Variants in SAE1 observed in about 807,000 individuals in gnomAD.
SAE1 encodes SUMO-activating enzyme subunit 1.
Under a neutral mutation model 40.6 loss-of-function variants are expected in SAE1, and 11 were observed. The observed-to-expected ratio is 0.27, with a 90% CI of 0.17 to 0.45. The LOEUF (loss-of-function observed/expected upper bound fraction) is 0.45, where lower values mean the gene tolerates loss of function less well. SAE1 is among the 20% of genes least tolerant of loss of function. SAE1 has a pLI of 1.00. For missense variants in SAE1, 373 were observed against 427.3 expected (o/e 0.87, Z 1.12); for synonymous variants, 155 against 154.3 (o/e 1.00, Z -0.03).
Position 47,130,916 on chromosome 19 carries a change from G to C in SAE1, c.-15G>C. The C allele has an allele frequency of 4.5e-6, 7 of 1,549,294 alleles. No homozygotes were observed. The highest frequency in any genetic ancestry group is 5.2e-6 in the Non-Finnish European group (6 of 1,146,522). ...CTTGAGCGGGACCGGAGCTGAGGCA[G>C]GAAGAGCCGGCGCCATGGTGGAGAA... On this transcript the variant is annotated 5_prime_UTR_variant, in exon 1 of 9. Transcript: ENST00000270225.
intron 6 of SAE1, among the ~76,000 whole-genome samples, chr19:47,187,467 CTT>C (rs1327370727): frequency 6.6e-6 from 1 of 152,194 alleles, no homozygotes; most frequent in Non-Finnish European, 1.5e-5. Context: ...AGCTTGAACA[CTT>C]TTCAATTCAG....
chr19:47,193,459 A>G (rs2058592571), intron 6 of SAE1, among the ~76,000 whole-genome samples: 1 of 152,066 alleles, frequency 6.6e-6, no homozygotes, highest in African/African-American at 2.4e-5. Context: ...CATTCTCAGA[A>G]AGCAAACAGT....
At chr19:47,170,679 G>A (rs1640288775) in intron 6 of SAE1, among the ~76,000 whole-genome samples, 1 of 151,852 alleles carries the variant, frequency 6.6e-6, no homozygotes, top group Non-Finnish European at 1.5e-5. Context: ...GCTAGTTTTT[G>A]TATTTTTTTG....
At chr19:47,150,099 A>T (rs62135078) in intron 2 of SAE1, 103 bp from the exon 3 acceptor site, 133 of 567,680 alleles carry the variant, frequency 2.3e-4, no homozygotes, top group Non-Finnish European at 3.3e-4. Flanking sequence ...AAAAAAATTT[A>T]GGTGGTAGGT....
intron 8 of SAE1, among the ~76,000 whole-genome samples, chr19:47,206,352 G>A (rs989190311): frequency 6.6e-6 from 1 of 152,334 alleles, no homozygotes; most frequent in African/African-American, 2.4e-5. Flanking sequence ...CCTTCAGCCA[G>A]CTGGCAGGCG....
intron 5 of SAE1, among the ~76,000 whole-genome samples, chr19:47,155,818 G>A (rs1437759504): frequency 7.1e-6 from 1 of 141,652 alleles, no homozygotes; most frequent in Non-Finnish European, 1.5e-5. Context: ...TCAGCTCACT[G>A]CAACCTCCAC....
At chr19:47,139,650 G>A (rs1568584965) in intron 1 of SAE1, among the ~76,000 whole-genome samples, 3 of 148,394 alleles carry the variant, frequency 2.0e-5, no homozygotes, top group Non-Finnish European at 3.0e-5. Flanking sequence ...GTGCAGTGGC[G>A]CGATCTCGGC....
chr19:47,169,995 C>T, intron 6 of SAE1, 72 bp downstream of exon 6: 1 of 1,145,410 alleles, frequency 8.7e-7, no homozygotes, highest in South Asian at 1.2e-5. Flanking sequence ...GTTGCAAGGT[C>T]CAGATGGTTT....
intron 6 of SAE1, among the ~76,000 whole-genome samples, chr19:47,173,111 T>G (rs889433694): frequency 6.6e-6 from 1 of 152,056 alleles, no homozygotes; most frequent in Non-Finnish European, 1.5e-5. Flanking sequence ...TCACTGCAAC[T>G]TCTGCCTCCT....
intron 4 of SAE1, 80 bp downstream of exon 4, chr19:47,153,120 T>C: frequency 8.0e-7 from 1 of 1,253,554 alleles, no homozygotes; most frequent in South Asian, 1.5e-5. Flanking sequence ...TATTTATTTA[T>C]GTGTAGAGAC....
At chr19:47,156,903 A>G (rs1013634070) in intron 5 of SAE1, among the ~76,000 whole-genome samples, 1 of 152,192 alleles carries the variant, frequency 6.6e-6, no homozygotes, top group African/African-American at 2.4e-5. Flanking sequence ...GCGATGGGGA[A>G]AGCAAGATGA....
intron 6 of SAE1, among the ~76,000 whole-genome samples, chr19:47,193,068 T>TC: frequency 6.6e-6 from 1 of 151,314 alleles, no homozygotes; most frequent in East Asian, 1.9e-4. Flanking sequence ...TTTTTTTTTT[T>TC]TTTTTTGGAG....
At position 47,166,221 on chromosome 19, in the gene SAE1, G is replaced by A. The variant is rs7256607; in HGVS notation, c.628-3597G>A. 9.8e-3 allele frequency among the ~76,000 whole-genome samples: 1,489 copies of A among 152,266 alleles called. 33 individuals carry two copies. Among genetic ancestry groups the A allele is most frequent in the African/African-American group, 0.034 (1,432 of 41,538 alleles). On this transcript the variant is annotated intron_variant, in intron 5 of 8. Coordinates refer to ENST00000270225, the MANE Select transcript of SAE1 (RefSeq NM_005500.3). The stretch of plus-strand genomic sequence containing the variant: ...GGATGAGCTGGGTAGCTACACTCAA[G>A]TGCAGAGCCACCAGTATTGTGGGAC...
intron 8 of SAE1, among the ~76,000 whole-genome samples, chr19:47,204,258 C>G (rs1323297978): frequency 1.5e-5 from 2 of 131,560 alleles, no homozygotes; most frequent in Non-Finnish European, 3.1e-5. Context: ...AGTGCAGTAG[C>G]ACGATCTCAG....
At chr19:47,199,529 C>G (rs918270273) in intron 7 of SAE1, among the ~76,000 whole-genome samples, 2 of 152,068 alleles carry the variant, frequency 1.3e-5, no homozygotes, top group Non-Finnish European at 2.9e-5. Flanking sequence ...GCCAGCAGCT[C>G]GTTAGGCTGT....
intron 2 of SAE1, among the ~76,000 whole-genome samples, chr19:47,147,859 C>A: frequency 6.6e-6 from 1 of 150,936 alleles, no homozygotes; most frequent in Non-Finnish European, 1.5e-5. Context: ...CCCGGGTTCA[C>A]ACCATTCTCC....
rs2058135932 is a variant in SAE1 at position 47,130,862 on chromosome 19, G to C, written c.-69G>C. 3.9e-6 allele frequency: 6 copies of C among 1,543,982 alleles called. No individual in the cohort carries two copies. Among genetic ancestry groups the C allele is most frequent in the Non-Finnish European group, 4.4e-6 (5 of 1,144,454 alleles). ...TCCGGGCGTGCTGCCGGCGGCGGTA[G>C]GTGGCGCGCGGGTCCGGCGGGCGGT... On this transcript the variant is annotated 5_prime_UTR_variant, in exon 1 of 9. Transcript: ENST00000270225.
In SAE1 at chr19:47,160,214, A is replaced by ATTTTTTTTT. The variant is rs748289334; in HGVS notation, c.627+5018_627+5026dup. 5.4e-5 allele frequency among the ~76,000 whole-genome samples: 4 copies of ATTTTTTTTT among 74,588 alleles called. 1 individual carries two copies. Among genetic ancestry groups the ATTTTTTTTT allele is most frequent in the Admixed American group, 4.2e-4 (2 of 4,794 alleles). The allele number at this position is 74,588 out of a possible 152,430, so 48.9% of individuals were successfully genotyped here. A position where few individuals can be genotyped will look rare whatever the true frequency, so the allele number is the denominator to read the frequency against. On this transcript the variant is annotated intron_variant, in intron 5 of 8. Transcript: ENST00000270225. ...AGGCCAGAGAGGTTCAAAATCCTGC[A>ATTTTTTTTT]TTTTTTTTTTTTTTTTTTTTTTTTT...
intron 8 of SAE1, among the ~76,000 whole-genome samples, chr19:47,208,064 TG>T (rs1359861050): frequency 6.6e-6 from 1 of 152,210 alleles, no homozygotes; most frequent in Non-Finnish European, 1.5e-5. Flanking sequence ...AGCGACTCTA[TG>T]TCCTCATGGA....
Sources: gnomAD v4.1 joint callset for allele counts (sites outside exome capture counted in the v4.1 genomes callset) on GRCh38, gnomAD v4.1.1 for gene constraint, MANE v1.5 for transcripts, NCBI Gene and HGNC (gene_info 2026-07-23, HGNC 2026-07-21) for gene names.